DLC1: variants seen among roughly 807,000 people sequenced by gnomAD.
The protein encoded by DLC1 is DLC1 Rho GTPase activating protein.
DLC1 carries 54 observed loss-of-function variants against 140.3 expected under a neutral mutation model. The ratio of observed to expected loss-of-function variants is 0.38; its 90% CI spans 0.31 to 0.48. The LOEUF is 0.48. Ranked by LOEUF, DLC1 falls within the 20% of genes least tolerant of loss-of-function variation. The pLI is 0.96. For missense variants in DLC1, 2,536 were observed against 1,907.0 expected (o/e 1.33, Z -6.14); for synonymous variants, 986 against 728.1 (o/e 1.35, Z -5.70).
chr8:13,218,005 G>A (rs1265404998), intron 5 of DLC1, among the ~76,000 whole-genome samples: 2 of 152,082 alleles, frequency 1.3e-5, no homozygotes, highest in Non-Finnish European at 2.9e-5. Flanking sequence ...ACAGAAGCCA[G>A]TCCCCTCCCT....
At chr8:13,464,833 A>G (rs1799858449) in intron 2 of DLC1, among the ~76,000 whole-genome samples, 1 of 149,692 alleles carries the variant, frequency 6.7e-6, no homozygotes, top group Non-Finnish European at 1.5e-5. Context: ...TTTTACAGCT[A>G]TATAAATGTA....
Position 13,390,382 on chromosome 8 carries a change from G to A in DLC1, c.1314+3171C>T, listed in dbSNP as rs558134820. The stretch of plus-strand genomic sequence containing the variant: ...CAGTCTATCATTGATGGGCATTCGG[G>A]TTGGTTCCATGTCTTTGCTACTGTA... On this transcript the variant is annotated intron_variant, in intron 4 of 17. Transcript: ENST00000276297. 1.3e-4 allele frequency among the ~76,000 whole-genome samples: 20 copies of A among 152,226 alleles called. No individual in the cohort carries two copies. The Middle Eastern group carries it at 0.014, about 104-fold the overall frequency.
intron 2 of DLC1, among the ~76,000 whole-genome samples, chr8:13,496,611 C>A (rs531746115): frequency 2.6e-5 from 4 of 151,586 alleles, no homozygotes; most frequent in African/African-American, 9.7e-5. Flanking sequence ...TACACACACA[C>A]ATTTTGACAT....
In DLC1 at chr8:13,496,549, T is replaced by G. The variant is rs558242248; in HGVS notation, c.1023+2500A>C. Among the ~76,000 whole-genome samples the G allele has an allele frequency of 3.3e-5, 5 of 150,882 alleles. No homozygotes were observed. The South Asian group carries it at 8.4e-4, about 25-fold the overall frequency. ...TATTATTCAGCCATACAGAGAGGTT[T>G]ATATTACTATCTACATTCATATATA... On this transcript the variant is annotated intron_variant, in intron 2 of 17. Transcript: ENST00000276297.
intron 15 of DLC1, among the ~76,000 whole-genome samples, chr8:13,089,327 T>C (rs1817843789): frequency 6.7e-6 from 1 of 149,006 alleles, no homozygotes; most frequent in African/African-American, 2.5e-5. Flanking sequence ...GTGCATGCAA[T>C]AAAGAAATAT....
Position 13,098,416 on chromosome 8 carries a change from G to C in DLC1, c.3150C>G (p.Asn1050Lys), listed in dbSNP as rs563588933. 1.4e-5 allele frequency: 23 copies of C among 1,614,138 alleles called. No homozygotes were observed. In the East Asian group the frequency reaches 2.2e-4, roughly 16 times the overall value. Residue 1050 changes from asparagine to lysine, a missense_variant, in exon 10 of 18, where the codon AAC becomes AAG. By Grantham distance (94) the Asn-to-Lys change is moderately conservative. Coordinates refer to ENST00000276297, the MANE Select transcript of DLC1 (RefSeq NM_182643.3). The stretch of plus-strand genomic sequence containing the variant: ...ACTCTTACCAGCTAAAACCATGCTT[G>C]TTAGAAGGTGTGTATTTCTCCAGCA... ...TALLEKYTPS[N>K]KHGFSWAVPK...
At chr8:13,589,811 G>C (rs1805455971) in intron 1 of DLC1, among the ~76,000 whole-genome samples, 1 of 150,726 alleles carries the variant, frequency 6.6e-6, no homozygotes, top group Non-Finnish European at 1.5e-5. Flanking sequence ...ATGGTGAAAG[G>C]AGATATTTTA....
At chr8:13,580,083 C>G (rs1377045256) in intron 1 of DLC1, among the ~76,000 whole-genome samples, 2 of 151,734 alleles carry the variant, frequency 1.3e-5, no homozygotes, top group Non-Finnish European at 2.9e-5. Context: ...CCCATATTCT[C>G]ATATGCCAAT....
At position 13,434,272 on chromosome 8, in the gene DLC1, G is replaced by T. The variant is rs1034431762; in HGVS notation, c.1024-32653C>A. Among the ~76,000 whole-genome samples, 3 of 152,216 alleles carry T rather than the reference G, an allele frequency of 2.0e-5. No individual in the cohort carries two copies. In the East Asian group the frequency reaches 5.8e-4, roughly 29 times the overall value. On this transcript the variant is annotated intron_variant, in intron 2 of 17. Coordinates refer to ENST00000276297, the MANE Select transcript of DLC1 (RefSeq NM_182643.3). ...CATAACTAGCTAACAATAGAGGTGA[G>T]ATGGAACAGTGAGTTCTAAACCACT...
Position 13,090,466 on chromosome 8 carries a change from G to A in DLC1, c.3860C>T (p.Pro1287Leu). 6.2e-7 allele frequency: 1 copy of A among 1,613,822 alleles called. No homozygotes were observed. The highest frequency in any genetic ancestry group is 8.5e-7 in the Non-Finnish European group (1 of 1,180,012). ...IAECKKLFQV[P>L]EEMSRCRNSY... ...ATTACGACATCGGCTCATTTCCTCG[G>A]GAACCTGTGCGGAACATGACAGACA... Residue 1287 changes from proline (P) to leucine (L), a missense_variant, in exon 15 of 18, where the codon CCC (proline) becomes CTC (leucine). Physicochemically the swap from Pro to Leu is moderately conservative, Grantham distance 98. Transcript: ENST00000276297.
intron 4 of DLC1, among the ~76,000 whole-genome samples, chr8:13,376,806 A>G (rs1836012142): frequency 6.6e-6 from 1 of 152,208 alleles, no homozygotes; most frequent in African/African-American, 2.4e-5. Context: ...TTTTGAGCCA[A>G]CATTTAATCC....
chr8:13,453,433 TA>T lies in DLC1; in HGVS notation c.1023+45615del, dbSNP rs1799201400. ...ATATATATATATATATGTGTATATA[TA>T]TATGTATATATATACATATATATAT... On this transcript the variant is annotated intron_variant, in intron 2 of 17. Transcript: ENST00000276297. Among the ~76,000 whole-genome samples the T allele has an allele frequency of 1.1e-4, 4 of 35,722 alleles. 1 individual carries two copies. Among genetic ancestry groups the T allele is most frequent in the African/African-American group, 5.3e-4 (4 of 7,586 alleles). The allele number at this position is 35,722 out of a possible 152,430, so 23.4% of individuals were successfully genotyped here. A position where few individuals can be genotyped will look rare whatever the true frequency, so the allele number is the denominator to read the frequency against.
intron 5 of DLC1, among the ~76,000 whole-genome samples, chr8:13,271,636 T>C (rs1387660712): frequency 6.6e-6 from 1 of 152,246 alleles, no homozygotes; most frequent in Non-Finnish European, 1.5e-5. Context: ...CTTGCCCTCT[T>C]CATAGGCAAT....
chr8:13,591,631 T>G (rs1478684145), intron 1 of DLC1, among the ~76,000 whole-genome samples: 1 of 151,838 alleles, frequency 6.6e-6, no homozygotes, highest in Non-Finnish European at 1.5e-5. Context: ...ATATTAGGAG[T>G]GTTTTTTTTT....
At chr8:13,170,149 T>C (rs1368538843) in intron 5 of DLC1, among the ~76,000 whole-genome samples, 1 of 152,256 alleles carries the variant, frequency 6.6e-6, no homozygotes, top group Non-Finnish European at 1.5e-5. Context: ...TGGCTAATTG[T>C]TAAGACATGC....
chr8:13,542,268 G>T (rs541466968), intron 1 of DLC1, among the ~76,000 whole-genome samples: 1 of 152,234 alleles, frequency 6.6e-6, no homozygotes, highest in East Asian at 1.9e-4. Context: ...TTATGCCTAT[G>T]TATGTACAAA....
intron 1 of DLC1, among the ~76,000 whole-genome samples, chr8:13,575,388 G>T (rs770503928): frequency 1.6e-4 from 25 of 152,034 alleles, no homozygotes; most frequent in Non-Finnish European, 2.9e-4. Flanking sequence ...TCTGAAAATG[G>T]CTTGAAGGTG....
chr8:13,511,631 T>C (rs1802369962), intron 1 of DLC1, among the ~76,000 whole-genome samples: 1 of 152,138 alleles, frequency 6.6e-6, no homozygotes, highest in African/African-American at 2.4e-5. Flanking sequence ...GGCTTATCTT[T>C]CGTGTGGGGA....
chr8:13,529,882 A>C (rs139893220), intron 1 of DLC1, among the ~76,000 whole-genome samples: 1 of 152,190 alleles, frequency 6.6e-6, no homozygotes, highest in Non-Finnish European at 1.5e-5. Flanking sequence ...GTTTATTTCT[A>C]TTCCTAACAC....
Sources: gnomAD v4.1 joint callset for allele counts (sites outside exome capture counted in the v4.1 genomes callset) on GRCh38, gnomAD v4.1.1 for gene constraint, MANE v1.5 for transcripts, NCBI Gene and HGNC (gene_info 2026-07-23, HGNC 2026-07-21) for gene names.